Variants in DLGAP1 observed in about 807,000 individuals in gnomAD.
DLGAP1 encodes the protein DLG associated protein 1.
DLGAP1 carries 11 observed loss-of-function variants against 90.8 expected under a neutral mutation model. The ratio of observed to expected loss-of-function variants is 0.12; its 90% CI spans 0.08 to 0.20. The LOEUF (loss-of-function observed/expected upper bound fraction) is 0.20. DLGAP1 is among the 10% of genes least tolerant of loss of function. The pLI, the probability that DLGAP1 is intolerant of heterozygous loss-of-function variation, is 1.00. For synonymous variants in DLGAP1, 558 were observed against 540.7 expected, an observed-to-expected ratio of 1.03 and a Z score of -0.44; for missense variants, 1,050 against 1,333.8, an observed-to-expected ratio of 0.79 and a Z score of 3.31.
At chr18:3,742,647 A>G (rs905679101) in intron 5 of DLGAP1, 135 bp from the exon 6 acceptor site, 13 of 1,014,350 alleles carry the variant, frequency 1.3e-5, no homozygotes, top group African/African-American at 3.2e-5. Flanking sequence ...TGTGATTACT[A>G]AACTCCCCCA....
intron 5 of DLGAP1, among the ~76,000 whole-genome samples, chr18:3,781,338 G>T (rs1485788662): frequency 6.7e-6 from 1 of 150,318 alleles, no homozygotes; most frequent in Non-Finnish European, 1.5e-5. Context: ...GACAGAAATT[G>T]TAGCAGCTTT....
chr18:4,098,062 C>T (rs769652947), intron 2 of DLGAP1, among the ~76,000 whole-genome samples: 5 of 152,168 alleles, frequency 3.3e-5, no homozygotes, highest in Non-Finnish European at 5.9e-5. Context: ...TACAGGCCCA[C>T]GCCACTATGC....
rs748556964 is a variant in DLGAP1, at chr18:3,880,062, C to T, written c.7G>A (p.Gly3Arg). Residue 3 changes from glycine (G) to arginine (R), a missense_variant, in exon 4 of 13, where the codon GGG becomes AGG. This residue lies in a region of DLGAP1 where 485 missense variants were observed against 454.1 expected (regional missense o/e 1.07). Transcript: ENST00000315677. The stretch of plus-strand genomic sequence containing the variant: ...TGATGGCTGCGGCTGCCTGATAGCC[C>T]TTTCATGGCGGACCGGAAGCAGCCG... MK[G>R]LSGSRSHHHG... 1.2e-6 allele frequency: 2 copies of T among 1,600,416 alleles called. No individual in the cohort carries two copies. Among genetic ancestry groups the T allele is most frequent in the African/African-American group, 2.7e-5 (2 of 74,882 alleles).
intron 8 of DLGAP1, among the ~76,000 whole-genome samples, chr18:3,568,867 T>C (rs1003860912): frequency 2.0e-5 from 3 of 152,060 alleles, no homozygotes; most frequent in Non-Finnish European, 4.4e-5. Context: ...TTTATATTTT[T>C]AGTAGAGACG....
intron 7 of DLGAP1, among the ~76,000 whole-genome samples, chr18:3,669,606 C>A (rs976528584): frequency 2.0e-5 from 3 of 152,200 alleles, no homozygotes; most frequent in African/African-American, 4.8e-5. Flanking sequence ...CCGCGACCTG[C>A]GGAATGAGGG....
chr18:3,739,709 C>T (rs867661656), intron 6 of DLGAP1, among the ~76,000 whole-genome samples: 12 of 151,774 alleles, frequency 7.9e-5, no homozygotes, highest in Non-Finnish European at 1.3e-4. Context: ...CGCACCAGTG[C>T]GGCACATGTA....
At chr18:4,034,906 C>T (rs80336473) in intron 2 of DLGAP1, among the ~76,000 whole-genome samples, 21,208 of 151,266 alleles carry the variant, frequency 0.14, 1,868 homozygotes, top group Middle Eastern at 0.2. Context: ...ATTCTTACCA[C>T]CATTTGAAAA....
intron 2 of DLGAP1, among the ~76,000 whole-genome samples, chr18:4,045,692 A>C (rs1238363349): frequency 6.6e-6 from 1 of 151,390 alleles, no homozygotes; most frequent in Non-Finnish European, 1.5e-5. Context: ...TTAATAGAGT[A>C]ATATAATGTT....
intron 4 of DLGAP1, among the ~76,000 whole-genome samples, chr18:3,858,482 A>C (rs2069796355): frequency 6.7e-6 from 1 of 149,236 alleles, no homozygotes; most frequent in South Asian, 2.1e-4. Flanking sequence ...GGAAACATAT[A>C]TATATATACG....
chr18:3,921,107 G>C (rs143572223), intron 3 of DLGAP1, among the ~76,000 whole-genome samples: 3 of 152,196 alleles, frequency 2.0e-5, no homozygotes, highest in Admixed American at 6.5e-5. Context: ...TAGACAGCAT[G>C]AGCCTGGGAA....
intron 7 of DLGAP1, among the ~76,000 whole-genome samples, chr18:3,584,581 T>C (rs1168069444): frequency 6.6e-6 from 1 of 152,100 alleles, no homozygotes; most frequent in Admixed American, 6.5e-5. Context: ...GCCTGAGTAT[T>C]GGAGGAATAA....
intron 7 of DLGAP1, among the ~76,000 whole-genome samples, chr18:3,700,450 T>C (rs1194175155): frequency 1.3e-5 from 2 of 152,122 alleles, no homozygotes; most frequent in African/African-American, 2.4e-5. Flanking sequence ...CTGTGGGCTA[T>C]ACCCACTATC....
chr18:3,520,805 C>G (rs977581532), intron 10 of DLGAP1, among the ~76,000 whole-genome samples: 2 of 152,226 alleles, frequency 1.3e-5, no homozygotes, highest in African/African-American at 4.8e-5. Flanking sequence ...CTCCAAAGGG[C>G]AGCATGCCTT....
intron 4 of DLGAP1, among the ~76,000 whole-genome samples, chr18:3,872,153 A>G (rs2070784256): frequency 6.6e-6 from 1 of 151,722 alleles, no homozygotes. Flanking sequence ...TGAGAGTCCT[A>G]AATATTCCTA....
At chr18:4,097,772 A>C (rs1331440868) in intron 2 of DLGAP1, among the ~76,000 whole-genome samples, 1 of 152,256 alleles carries the variant, frequency 6.6e-6, no homozygotes, top group Non-Finnish European at 1.5e-5. Context: ...AAAAATATTC[A>C]GATAGATATA....
chr18:3,627,875 C>CTTTT (rs34874244), intron 7 of DLGAP1, among the ~76,000 whole-genome samples: 6 of 90,108 alleles, frequency 6.7e-5, no homozygotes, highest in South Asian at 3.6e-4. Flanking sequence ...TCCTTCCTTC[C>CTTTT]TTTTTTTTTT....
chr18:4,390,224 T>C (rs1388856198), intron 1 of DLGAP1, among the ~76,000 whole-genome samples: 2 of 152,126 alleles, frequency 1.3e-5, no homozygotes, highest in Non-Finnish European at 2.9e-5. Flanking sequence ...CTTATGTTTT[T>C]ATAGCAGTTT....
intron 1 of DLGAP1, among the ~76,000 whole-genome samples, chr18:4,247,613 T>C (rs1340574690): frequency 1.3e-5 from 2 of 152,004 alleles, no homozygotes; most frequent in Non-Finnish European, 2.9e-5. Context: ...CCGTCTCTAC[T>C]AAAAATACAA....
intron 1 of DLGAP1, among the ~76,000 whole-genome samples, chr18:4,323,826 G>A (rs2143635782): frequency 6.6e-6 from 1 of 152,250 alleles, no homozygotes; most frequent in Non-Finnish European, 1.5e-5. Flanking sequence ...TGAATCTAAT[G>A]AGGAGGAAGA....
Sources: allele counts gnomAD v4.1 joint callset (sites outside exome capture counted in the v4.1 genomes callset), GRCh38; gene constraint gnomAD v4.1.1; regional missense constraint gnomAD v4.1.1; transcripts MANE v1.5; gene names NCBI Gene and HGNC (gene_info 2026-07-23, HGNC 2026-07-21).